TBC1D9B: variants seen among roughly 807,000 people sequenced by gnomAD.
The protein encoded by TBC1D9B is TBC1 domain family member 9B, also known as TBC1 domain family, member 9B (with GRAM domain).
Under a neutral mutation model 121.1 loss-of-function variants are expected in TBC1D9B, and 87 were observed. That is an observed-to-expected ratio of 0.72 (90% confidence interval 0.60 to 0.86). The LOEUF is 0.86. Among genes scored for constraint, TBC1D9B ranks in the 40% least tolerant of loss-of-function variants. The probability of loss-of-function intolerance (pLI) is 0.00; values close to 1 mark genes in which losing one functional copy is unlikely to be tolerated. For missense variants in TBC1D9B, 1,540 were observed against 1,628.6 expected (o/e 0.95, Z 0.94); for synonymous variants, 668 against 670.1 (o/e 1.00, Z 0.05).
chr5:179,873,392 CAG>C, intron 12 of TBC1D9B, 144 bp from the exon 13 acceptor site: 1 of 1,296,050 alleles, frequency 7.7e-7, no homozygotes, highest in Non-Finnish European at 1.0e-6. Flanking sequence ...TGCAGGAGGG[CAG>C]AGGTGTGCCC....
At chr5:179,870,101 C>T (rs554692516) in intron 16 of TBC1D9B, among the ~76,000 whole-genome samples, 154 bp downstream of exon 16, 9 of 152,272 alleles carry the variant, frequency 5.9e-5, no homozygotes, top group Non-Finnish European at 1.2e-4. Context: ...TCTCGGCTCC[C>T]GTGGGTAAAC....
At chr5:179,864,176 C>CAGA (rs1759938255) in intron 20 of TBC1D9B, 48 bp from the exon 21 acceptor site, 1 of 1,519,486 alleles carries the variant, frequency 6.6e-7, no homozygotes. Flanking sequence ...AAAGACCAGT[C>CAGA]AGACGGGGTC....
chr5:179,888,075 A>T, intron 7 of TBC1D9B, 28 bp downstream of exon 7: 1 of 1,611,926 alleles, frequency 6.2e-7, no homozygotes, highest in Non-Finnish European at 8.5e-7. Flanking sequence ...GCCCAACTCG[A>T]CCCTGCTGCT....
In TBC1D9B at chr5:179,879,632, T is replaced by A; in HGVS notation, c.1412A>T (p.Lys471Met). 1 of 1,613,922 alleles carries A rather than the reference T, an allele frequency of 6.2e-7. No homozygotes were observed. Among genetic ancestry groups the A allele is most frequent in the Non-Finnish European group, 8.5e-7 (1 of 1,179,888 alleles). The change falls in exon 8 of 21, where the codon AAG becomes ATG. Residue 471 changes from lysine (K) to methionine (M), a missense_variant. Lys to Met is a moderately conservative substitution (Grantham distance 95). Coordinates refer to ENST00000355235, the MANE Select transcript of TBC1D9B (RefSeq NM_015043.4). ...KNSPMEDLGA[K>M]GAKEKMKEES... ...GTGCCGGCGCTCAGGGCTCACCCCC[T>A]TGGCTCCAAGGTCCTCCATGGGCGA...
At chr5:179,893,151 G>T in intron 5 of TBC1D9B, 58 bp downstream of exon 5, 16 of 1,541,358 alleles carry the variant, frequency 1.0e-5, no homozygotes, top group Non-Finnish European at 1.4e-5. Flanking sequence ...GCAGGTCCCA[G>T]CCAAGGTCAG....
chr5:179,894,268 G>T, intron 4 of TBC1D9B, 118 bp downstream of exon 4: 1 of 959,010 alleles, frequency 1.0e-6, no homozygotes, highest in Non-Finnish European at 1.6e-6. Context: ...CCGCTAAGGT[G>T]GCATTTGGGT....
At chr5:179,899,093 G>T in intron 3 of TBC1D9B, 96 bp downstream of exon 3, 1 of 1,008,052 alleles carries the variant, frequency 9.9e-7, no homozygotes, top group Non-Finnish European at 1.5e-6. Flanking sequence ...TGTAAAATGG[G>T]GACGCACCCT....
chr5:179,876,680 T>C (rs2113616225), intron 10 of TBC1D9B, among the ~76,000 whole-genome samples: 1 of 152,246 alleles, frequency 6.6e-6, no homozygotes, highest in Admixed American at 6.5e-5. Context: ...ATAGCAAGTG[T>C]TGATGAGGAT....
rs1197752117 is a variant in TBC1D9B at position 179,875,332 on chromosome 5, A to G, written c.1901-145T>C. On this transcript the variant is annotated intron_variant, in intron 11 of 20. Transcript: ENST00000355235. This position sits in a 1 kb window ranked among gnomAD's most constrained non-coding sequence, Gnocchi z 4.5. Reference sequence around the variant, plus strand: ...GAGACTTGGAGTGCTGGGAGAAAACAAGGACGAAAAAACCCTTCAAGTCTC... The same window carrying G: ...GAGACTTGGAGTGCTGGGAGAAAACGAGGACGAAAAAACCCTTCAAGTCTC... 3.8e-6 allele frequency: 4 copies of G among 1,047,550 alleles called. No homozygotes were observed. Among genetic ancestry groups the G allele is most frequent in the Non-Finnish European group, 5.4e-6 (4 of 744,350 alleles). 64.9% of individuals were successfully genotyped at this position (1,047,550 alleles called of 1,614,324 possible). A position where few individuals can be genotyped will look rare whatever the true frequency, so the allele number is the denominator to read the frequency against.
rs889255198 is a variant in TBC1D9B at position 179,893,456 on chromosome 5, C to T, written c.589G>A (p.Val197Met). The stretch of plus-strand genomic sequence containing the variant: ...AGACGCGTTATGTCCACCCACTGCA[C>T]CACGAGGCTCACTGTGCCCACAGAG... ...FLLGKEVSLVVQWVDITRLEK... is the reference protein window; with the variant it reads ...FLLGKEVSLVMQWVDITRLEK... Residue 197 changes from valine (V) to methionine (M), a missense_variant, in exon 5 of 21, where the codon GTG becomes ATG. Transcript: ENST00000355235. 2 of 1,602,226 alleles carry T rather than the reference C, an allele frequency of 1.2e-6. No homozygotes were observed. Among genetic ancestry groups the T allele is most frequent in the East Asian group, 2.2e-5 (1 of 44,714 alleles).
At chr5:179,867,885 G>C (rs773693818) in intron 17 of TBC1D9B, 36 bp from the exon 18 acceptor site, 1 of 1,499,308 alleles carries the variant, frequency 6.7e-7, no homozygotes, top group South Asian at 1.4e-5. Flanking sequence ...AGGGCAGGAG[G>C]AAACAAGGAG....
At chr5:179,871,391 T>C in intron 15 of TBC1D9B, 71 bp downstream of exon 15, 1 of 1,465,158 alleles carries the variant, frequency 6.8e-7, no homozygotes, top group South Asian at 1.2e-5. Flanking sequence ...AGGATACTCT[T>C]AGATCCATTT....
In TBC1D9B at chr5:179,878,356, C is replaced by A. The variant is rs762699890; in HGVS notation, c.1735G>T (p.Val579Leu). 6.2e-7 allele frequency: 1 copy of A among 1,613,924 alleles called. No individual in the cohort carries two copies. Among genetic ancestry groups the A allele is most frequent in the Admixed American group, 1.7e-5 (1 of 60,008 alleles). The part of the protein sequence containing the change: ...NELGIAALRR[V>L]LTAYAFRNPT... ...TTTCGGAAGGCATAGGCAGTCAGCACCCGCCGGAGGGCAGCAATCCCCAGC... is the reference window on the plus strand; with the variant it reads ...TTTCGGAAGGCATAGGCAGTCAGCAACCGCCGGAGGGCAGCAATCCCCAGC... The change falls in exon 10 of 21, where the codon GTG (valine) becomes TTG (leucine). Residue 579 changes from valine (V) to leucine (L), a missense_variant. Coordinates refer to ENST00000355235, the MANE Select transcript of TBC1D9B (RefSeq NM_015043.4).
intron 15 of TBC1D9B, 110 bp from the exon 16 acceptor site, chr5:179,870,605 C>T: frequency 6.9e-7 from 1 of 1,446,994 alleles, no homozygotes; most frequent in Non-Finnish European, 9.1e-7. Flanking sequence ...CTGCGGAGCC[C>T]TGGGGCGGTA....
chr5:179,874,871 C>A lies in TBC1D9B; in HGVS notation c.2186+31G>T, dbSNP rs1348087773. The A allele has an allele frequency of 6.2e-7, 1 of 1,605,900 alleles. No homozygotes were observed. The highest frequency in any genetic ancestry group is 1.1e-5 in the South Asian group (1 of 90,536). On this transcript the variant is annotated intron_variant, in intron 12 of 20. Coordinates refer to ENST00000355235, the MANE Select transcript of TBC1D9B (RefSeq NM_015043.4). The surrounding 1 kb of genome is among the most constrained non-coding windows in gnomAD (Gnocchi z 4.3). ...GCTGGTGAGGGGTTCTGCTGTGAGC[C>A]CCCAGCAGGAGAAGGAACCCGGCAT...
intron 6 of TBC1D9B, among the ~76,000 whole-genome samples, chr5:179,889,809 G>A (rs919561628): frequency 6.7e-6 from 1 of 149,320 alleles, no homozygotes; most frequent in African/African-American, 2.5e-5. Context: ...GGGAGATGGA[G>A]GCTGTAGTGA....
At chr5:179,881,130 C>T (rs1205984041) in intron 7 of TBC1D9B, among the ~76,000 whole-genome samples, 1 of 152,200 alleles carries the variant, frequency 6.6e-6, no homozygotes, top group African/African-American at 2.4e-5. Context: ...GCAAGCGTGG[C>T]ACCAAGCTCA....
chr5:179,862,767 C>G lies in TBC1D9B; in HGVS notation c.*681G>C, dbSNP rs1181058518. 2.8e-6 allele frequency: 1 copy of G among 359,304 alleles called. No individual in the cohort carries two copies. The highest frequency in any genetic ancestry group is 7.5e-5 in the East Asian group (1 of 13,248). The allele number at this position is 359,304 out of a possible 1,614,324, so 22.3% of individuals were successfully genotyped here. Reference sequence around the variant, plus strand: ...TATTTCTTTCAGGGATTTATTAAGGCATTGAGCACAGTGTAATTTCTAGCC... The same window carrying G: ...TATTTCTTTCAGGGATTTATTAAGGGATTGAGCACAGTGTAATTTCTAGCC... On this transcript the variant is annotated 3_prime_UTR_variant, in exon 21 of 21. Coordinates refer to ENST00000355235, the MANE Select transcript of TBC1D9B (RefSeq NM_015043.4).
At position 179,865,792 on chromosome 5, in the gene TBC1D9B, C is replaced by G. The variant is rs373023251; in HGVS notation, c.2914+46G>C. The G allele has an allele frequency of 1.3e-6, 2 of 1,546,996 alleles. No individual in the cohort carries two copies. Among genetic ancestry groups the G allele is most frequent in the Non-Finnish European group, 8.7e-7 (1 of 1,146,262 alleles). Reference sequence around the variant, plus strand: ...GGAAAAGACCAGCAAGCAAGGGTGCCTCAACGCTGGGGTCTCTAAGAACAG... The same window carrying G: ...GGAAAAGACCAGCAAGCAAGGGTGCGTCAACGCTGGGGTCTCTAAGAACAG... On this transcript the variant is annotated intron_variant, in intron 19 of 20. Transcript: ENST00000355235. The surrounding 1 kb of genome is among the most constrained non-coding windows in gnomAD (Gnocchi z 5.1).
Sources: allele counts gnomAD v4.1 joint callset (sites outside exome capture counted in the v4.1 genomes callset), GRCh38; gene constraint gnomAD v4.1.1; non-coding constraint Gnocchi (gnomAD v3.1); transcripts MANE v1.5; gene names NCBI Gene and HGNC (gene_info 2026-07-23, HGNC 2026-07-21).